OSBPL10: variants seen among roughly 807,000 people sequenced by gnomAD.
The protein encoded by OSBPL10 is oxysterol-binding protein-related protein 10.
Under a neutral mutation model 81.7 loss-of-function variants are expected in OSBPL10, and 49 were observed. That is an observed-to-expected ratio of 0.60 (90% CI 0.48 to 0.76). The LOEUF (loss-of-function observed/expected upper bound fraction) is 0.76, where lower values mean the gene tolerates loss of function less well. Among genes scored for constraint, OSBPL10 ranks in the 30% least tolerant of loss-of-function variants. The pLI is 0.00. For missense variants in OSBPL10, 923 were observed against 987.8 expected (o/e 0.93, Z 0.88); for synonymous variants, 419 against 383.6 (o/e 1.09, Z -1.08).
intron 7 of OSBPL10, among the ~76,000 whole-genome samples, chr3:31,702,060 C>A (rs1259798580): frequency 6.6e-6 from 1 of 152,094 alleles, no homozygotes; most frequent in African/African-American, 2.4e-5. Context: ...AGAAATAGTA[C>A]CTTGAATTTT....
At chr3:31,996,356 C>T (rs935050919) in intron 2 of OSBPL10, among the ~76,000 whole-genome samples, 2 of 150,686 alleles carry the variant, frequency 1.3e-5, no homozygotes, top group African/African-American at 5.0e-5. Flanking sequence ...TCTAAACTCT[C>T]CCCCCCGTGC....
intron 4 of OSBPL10, among the ~76,000 whole-genome samples, chr3:31,826,973 G>T (rs1359873216): frequency 6.6e-6 from 1 of 152,180 alleles, no homozygotes; most frequent in Non-Finnish European, 1.5e-5. Context: ...CTTAAATTTT[G>T]AGTAATAAAG....
chr3:31,878,127 C>T (rs548663246), intron 2 of OSBPL10, among the ~76,000 whole-genome samples: 38 of 152,076 alleles, frequency 2.5e-4, no homozygotes, highest in Non-Finnish European at 4.9e-4. Flanking sequence ...CCATGCAGAT[C>T]ATAAAACCTC....
intron 2 of OSBPL10, among the ~76,000 whole-genome samples, chr3:31,995,250 G>A (rs1699078254): frequency 6.6e-6 from 1 of 152,200 alleles, no homozygotes; most frequent in Non-Finnish European, 1.5e-5. Context: ...GTAAGCCTGA[G>A]AGTACTGCAG....
chr3:31,861,721 C>T (rs917707782), intron 3 of OSBPL10, among the ~76,000 whole-genome samples: 5 of 152,154 alleles, frequency 3.3e-5, no homozygotes, highest in East Asian at 1.9e-4. Context: ...AAAGTGACTA[C>T]TATTTTATTT....
rs1297629742 is a variant in OSBPL10 at position 31,981,190 on chromosome 3, CGCCCGGGACGCGGGT to C, written c.-26_-12del. ...GACTGCCCTCTCCATGGTCCGTGGG[CGCCCGGGACGCGGGT>C]GCCCGCCGCGGTGGCGGCCCCGGCA... On this transcript the variant is annotated 5_prime_UTR_variant, in exon 1 of 12. Coordinates refer to ENST00000396556, the MANE Select transcript of OSBPL10 (RefSeq NM_017784.5). The surrounding 1 kb of genome is among the most constrained non-coding windows in gnomAD (Gnocchi z 4.5). 7.1e-7 allele frequency: 1 copy of C among 1,409,876 alleles called. No homozygotes were observed. The highest frequency in any genetic ancestry group is 1.5e-5 in the South Asian group (1 of 65,486). The allele number at this position is 1,409,876 out of a possible 1,614,324, so 87.3% of individuals were successfully genotyped here.
rs565804253 is a variant in OSBPL10 at position 31,664,318 on chromosome 3, C to T, written c.2097-86G>A. The T allele has an allele frequency of 2.0e-5, 28 of 1,422,898 alleles. No homozygotes were observed. In the East Asian group the frequency reaches 5.3e-4, roughly 27 times the overall value. 88.1% of individuals were successfully genotyped at this position (1,422,898 alleles called of 1,614,324 possible). The stretch of plus-strand genomic sequence containing the variant: ...ACTCTGCCAGGAGCAGCCAGAGCAG[C>T]GAGGGGCCGCCAGGCAAGCCCCCTC... On this transcript the variant is annotated intron_variant, in intron 10 of 11. Transcript: ENST00000396556.
chr3:31,707,802 AAC>A (rs970492360), intron 6 of OSBPL10, among the ~76,000 whole-genome samples: 3 of 152,226 alleles, frequency 2.0e-5, no homozygotes, highest in Admixed American at 2.0e-4. Context: ...AACAGGCAAT[AAC>A]ATGCACTAAT....
intron 4 of OSBPL10, among the ~76,000 whole-genome samples, chr3:31,757,421 G>A (rs770017582): frequency 1.3e-5 from 2 of 152,168 alleles, no homozygotes; most frequent in Non-Finnish European, 2.9e-5. Context: ...AAGACATGGG[G>A]AGAAGATGAT....
chr3:31,915,802 G>A (rs570671285), intron 1 of OSBPL10, among the ~76,000 whole-genome samples: 137 of 152,112 alleles, frequency 9.0e-4, no homozygotes, highest in African/African-American at 3.2e-3. Flanking sequence ...CACCCTTTAA[G>A]AGAAATCCAG....
intron 1 of OSBPL10, among the ~76,000 whole-genome samples, chr3:32,049,413 A>G (rs9819155): frequency 0.041 from 6,167 of 152,196 alleles, 356 homozygotes; most frequent in African/African-American, 0.12. Flanking sequence ...AAGTGGTAGG[A>G]TACATTTTAC....
chr3:31,834,805 T>C (rs143392126), intron 3 of OSBPL10, among the ~76,000 whole-genome samples: 7 of 152,300 alleles, frequency 4.6e-5, no homozygotes, highest in African/African-American at 7.2e-5. Flanking sequence ...CCCAGTACTA[T>C]GGACAGTGTG....
At chr3:31,677,366 C>A (rs1252082664) in intron 8 of OSBPL10, among the ~76,000 whole-genome samples, 1 of 152,170 alleles carries the variant, frequency 6.6e-6, no homozygotes, top group Non-Finnish European at 1.5e-5. Context: ...CTTAGGCAAA[C>A]TCAAGGCCTC....
intron 1 of OSBPL10, among the ~76,000 whole-genome samples, chr3:31,939,458 A>C (rs1337933930): frequency 2.0e-5 from 3 of 148,352 alleles, no homozygotes; most frequent in African/African-American, 7.4e-5. Context: ...TTTCATCTTA[A>C]AAAAAAAAAA....
At chr3:31,825,150 T>C (rs1275108052) in intron 4 of OSBPL10, among the ~76,000 whole-genome samples, 2 of 152,088 alleles carry the variant, frequency 1.3e-5, no homozygotes, top group African/African-American at 4.8e-5. Flanking sequence ...ATTTTTTTGT[T>C]TGCTTTAAGA....
At chr3:31,870,365 C>T (rs1701289094) in intron 3 of OSBPL10, among the ~76,000 whole-genome samples, 2 of 152,248 alleles carry the variant, frequency 1.3e-5, no homozygotes, top group Admixed American at 1.3e-4. Context: ...GGGCAGGGCT[C>T]CGGACCTGCA....
At chr3:31,902,195 C>G (rs2125678512) in intron 1 of OSBPL10, among the ~76,000 whole-genome samples, 1 of 151,516 alleles carries the variant, frequency 6.6e-6, no homozygotes. Context: ...AGCTAATGCA[C>G]ATATAGCACC....
At chr3:31,873,866 G>A (rs1374551398) in intron 3 of OSBPL10, among the ~76,000 whole-genome samples, 2 of 152,128 alleles carry the variant, frequency 1.3e-5, no homozygotes, top group Non-Finnish European at 2.9e-5. Context: ...TGGTAATGCT[G>A]TCACTGAATA....
chr3:31,820,819 G>A (rs948524604), intron 4 of OSBPL10, among the ~76,000 whole-genome samples: 2 of 151,998 alleles, frequency 1.3e-5, no homozygotes, highest in Admixed American at 1.3e-4. Context: ...TCCTCTCAAA[G>A]GCTTTTTAAA....
Sources: gnomAD v4.1 joint callset for allele counts (sites outside exome capture counted in the v4.1 genomes callset) on GRCh38, gnomAD v4.1.1 for gene constraint, Gnocchi (gnomAD v3.1) non-coding constraint, MANE v1.5 for transcripts, NCBI Gene and HGNC (gene_info 2026-07-23, HGNC 2026-07-21) for gene names.